Variants in DNAJC3 observed in about 807,000 individuals in gnomAD.
DNAJC3 encodes the protein DnaJ heat shock protein family (Hsp40) member C3, also known as dnaJ homolog subfamily C member 3.
DNAJC3 carries 38 observed loss-of-function variants against 68.6 expected under a neutral mutation model. The observed-to-expected ratio is 0.55, with a 90% CI of 0.43 to 0.73. The LOEUF (loss-of-function observed/expected upper bound fraction) is 0.73, where lower values mean the gene tolerates loss of function less well. DNAJC3 is among the 30% of genes least tolerant of loss of function. DNAJC3 has a pLI of 0.00. For synonymous variants in DNAJC3, 203 were observed against 204.0 expected (o/e 1.00, Z 0.04); for missense variants, 526 against 591.9 (o/e 0.89, Z 1.16).
At chr13:95,746,952 T>C (rs1207629913) in intron 4 of DNAJC3, among the ~76,000 whole-genome samples, 1 of 152,214 alleles carries the variant, frequency 6.6e-6, no homozygotes, top group Non-Finnish European at 1.5e-5. Flanking sequence ...GGATTTGACT[T>C]AGTCTTAATC....
chr13:95,787,514 T>C (rs1331774894), intron 11 of DNAJC3, among the ~76,000 whole-genome samples: 1 of 152,124 alleles, frequency 6.6e-6, no homozygotes, highest in Non-Finnish European at 1.5e-5. Flanking sequence ...TCCACCAAGC[T>C]TACAGGAGCT....
Position 95,790,902 on chromosome 13 carries a change from G to T in DNAJC3, c.1387G>T (p.Asp463Tyr). The T allele has an allele frequency of 1.2e-6, 2 of 1,606,512 alleles. No homozygotes were observed. The highest frequency in any genetic ancestry group is 2.2e-5 in the East Asian group (1 of 44,814). The stretch of plus-strand genomic sequence containing the variant: ...GAGAAAGAAGTTTGACGACGGAGAA[G>T]ATCCTTTGGATGCAGAGAGCCAGCA... Reference protein sequence around the residue: ...EMRKKFDDGEDPLDAESQQGG... With the variant: ...EMRKKFDDGEYPLDAESQQGG... Residue 463 changes from aspartate (D) to tyrosine (Y), a missense_variant, in exon 12 of 12, where the codon GAT (aspartate) becomes TAT (tyrosine). Physicochemically the swap from Asp to Tyr is radical, Grantham distance 160. Transcript: ENST00000602402.
intron 1 of DNAJC3, among the ~76,000 whole-genome samples, chr13:95,699,396 G>A (rs1004435376): frequency 2.0e-5 from 3 of 152,172 alleles, no homozygotes; most frequent in Non-Finnish European, 4.4e-5. Context: ...AGTATGACAT[G>A]GCTTGACATA....
intron 1 of DNAJC3, among the ~76,000 whole-genome samples, chr13:95,699,882 T>C (rs967139356): frequency 9.2e-5 from 14 of 152,320 alleles, no homozygotes; most frequent in East Asian, 3.9e-4. Flanking sequence ...TTGCCCAGAC[T>C]GGAGTGCAGT....
chr13:95,782,501 T>G (rs564176876), intron 9 of DNAJC3, among the ~76,000 whole-genome samples: 143 of 152,356 alleles, frequency 9.4e-4, no homozygotes, highest in Non-Finnish European at 1.8e-3. Flanking sequence ...CCATTCTAAC[T>G]GGTGTCAGAT....
intron 7 of DNAJC3, among the ~76,000 whole-genome samples, chr13:95,761,184 T>C (rs1391332619): frequency 6.6e-6 from 1 of 152,088 alleles, no homozygotes; most frequent in Admixed American, 6.6e-5. Flanking sequence ...AGTGATAGAA[T>C]GTACATAGGA....
chr13:95,750,262 C>CAAA (rs1204619522), intron 4 of DNAJC3, among the ~76,000 whole-genome samples: 118 of 65,490 alleles, frequency 1.8e-3, no homozygotes, highest in South Asian at 9.9e-3. Flanking sequence ...GACCCTGTCT[C>CAAA]AAAAAAAAAA....
intron 4 of DNAJC3, among the ~76,000 whole-genome samples, chr13:95,736,945 T>C (rs1457127461): frequency 6.6e-6 from 1 of 150,968 alleles, no homozygotes; most frequent in East Asian, 1.9e-4. Context: ...CAGTATGATA[T>C]TGGCTGTGGG....
At chr13:95,734,708 C>A (rs1881833340) in intron 4 of DNAJC3, among the ~76,000 whole-genome samples, 1 of 151,374 alleles carries the variant, frequency 6.6e-6, no homozygotes, top group Admixed American at 6.6e-5. Context: ...CTTGTTTATT[C>A]TTTTTCATTC....
At chr13:95,721,538 G>A (rs961580662) in intron 2 of DNAJC3, among the ~76,000 whole-genome samples, 10 of 152,044 alleles carry the variant, frequency 6.6e-5, no homozygotes, top group African/African-American at 2.2e-4. Context: ...ACAGCGCACA[G>A]GTGTTCCAGT....
At chr13:95,766,559 ATGCAGTCCTGG>A (rs918571062) in intron 9 of DNAJC3, among the ~76,000 whole-genome samples, 37 of 152,356 alleles carry the variant, frequency 2.4e-4, no homozygotes, top group African/African-American at 7.2e-4. Context: ...ATATTAACTG[ATGCAGTCCTGG>A]TGCTTGTGCT....
chr13:95,781,553 G>T (rs184504235), intron 9 of DNAJC3, among the ~76,000 whole-genome samples: 1 of 152,120 alleles, frequency 6.6e-6, no homozygotes, highest in East Asian at 1.9e-4. Flanking sequence ...TCGTCACTTC[G>T]GTGGCAAGGA....
rs1593967937 is a variant in DNAJC3, at chr13:95,709,303, A to G, written c.159A>G (p.Leu53=). Residue 53 remains leucine, a synonymous_variant, in exon 2 of 12, where the codon CTA becomes CTG. Coordinates refer to ENST00000602402, the MANE Select transcript of DNAJC3 (RefSeq NM_006260.5). The stretch of plus-strand genomic sequence containing the variant: ...AGAAATTACTTGCAGCTGGACAGCT[A>G]GCTGATGCTTTATCTCAGTTTCATG... ...LGKKLLAAGQ[L]ADALSQFHAA... 6.3e-7 allele frequency: 1 copy of G among 1,589,410 alleles called. No homozygotes were observed. Among genetic ancestry groups the G allele is most frequent in the Non-Finnish European group, 8.6e-7 (1 of 1,169,162 alleles).
intron 1 of DNAJC3, among the ~76,000 whole-genome samples, chr13:95,702,592 G>A (rs180685277): frequency 1.8e-4 from 27 of 152,298 alleles, no homozygotes; most frequent in Non-Finnish European, 3.5e-4. Context: ...GCCTGAAGGA[G>A]CTTGTTTTCC....
At chr13:95,725,825 T>TGC (rs1881493881) in intron 4 of DNAJC3, among the ~76,000 whole-genome samples, 1 of 51,232 alleles carries the variant, frequency 2.0e-5, no homozygotes, top group Admixed American at 2.8e-4. Flanking sequence ...CCCTCCCCCC[T>TGC]CCCCCCACCC....
At chr13:95,683,499 C>T (rs927188239) in intron 1 of DNAJC3, among the ~76,000 whole-genome samples, 2 of 152,224 alleles carry the variant, frequency 1.3e-5, no homozygotes, top group Admixed American at 6.5e-5. Flanking sequence ...CTTCCTCCGG[C>T]TCTGGCCATG....
intron 1 of DNAJC3, among the ~76,000 whole-genome samples, chr13:95,702,871 A>G (rs942297253): frequency 4.6e-5 from 7 of 152,228 alleles, no homozygotes; most frequent in African/African-American, 1.7e-4. Flanking sequence ...TCCATCAGTC[A>G]CGTATCCATC....
chr13:95,789,235 T>C (rs926828735), intron 11 of DNAJC3, among the ~76,000 whole-genome samples: 11 of 152,164 alleles, frequency 7.2e-5, no homozygotes, highest in African/African-American at 2.7e-4. Flanking sequence ...GGGTTTGTTG[T>C]ACAGATTATT....
intron 9 of DNAJC3, among the ~76,000 whole-genome samples, chr13:95,764,982 C>T: frequency 6.6e-6 from 1 of 151,796 alleles, no homozygotes; most frequent in South Asian, 2.1e-4. Flanking sequence ...CTTTTTAAGG[C>T]AAAACTGGTC....
Sources: gnomAD v4.1 joint callset for allele counts (sites outside exome capture counted in the v4.1 genomes callset) on GRCh38, gnomAD v4.1.1 for gene constraint, MANE v1.5 for transcripts, NCBI Gene and HGNC (gene_info 2026-07-23, HGNC 2026-07-21) for gene names.